DDX60: variants seen among roughly 807,000 people sequenced by gnomAD.
The protein encoded by DDX60 is DExD/H-box helicase 60, also known as probable ATP-dependent RNA helicase DDX60.
Under a neutral mutation model 212.8 loss-of-function variants are expected in DDX60, and 165 were observed. The ratio of observed to expected loss-of-function variants is 0.78; its 90% CI spans 0.68 to 0.88. The LOEUF is 0.88. Among genes scored for constraint, DDX60 ranks in the 40% least tolerant of loss-of-function variants. DDX60 has a pLI of 0.00. For synonymous variants in DDX60, 703 were observed against 685.3 expected (o/e 1.03, Z -0.40); for missense variants, 1,905 against 2,003.9 (o/e 0.95, Z 0.94).
intron 6 of DDX60, among the ~76,000 whole-genome samples, chr4:168,302,082 T>A (rs892412710): frequency 1.3e-5 from 2 of 152,152 alleles, no homozygotes; most frequent in African/African-American, 2.4e-5. Flanking sequence ...GAGACATGAG[T>A]GGAAAAGTCA....
chr4:168,295,912 G>A (rs1736320735), intron 6 of DDX60, among the ~76,000 whole-genome samples: 1 of 152,218 alleles, frequency 6.6e-6, no homozygotes, highest in Non-Finnish European at 1.5e-5. Flanking sequence ...AAGACAAAGA[G>A]ACAAATACCA....
intron 25 of DDX60, among the ~76,000 whole-genome samples, chr4:168,259,738 C>T (rs1052308463): frequency 1.3e-4 from 19 of 150,188 alleles, no homozygotes; most frequent in East Asian, 3.9e-4. Flanking sequence ...TGATGTCCAA[C>T]GAAATTGCAC....
chr4:168,255,834 C>T lies in DDX60; in HGVS notation c.3434G>A (p.Ser1145Asn). 6.3e-7 allele frequency: 1 copy of T among 1,598,358 alleles called. No homozygotes were observed. Among genetic ancestry groups the T allele is most frequent in the Non-Finnish European group, 8.5e-7 (1 of 1,175,794 alleles). ...CTTTTTCTTTAGGAAAGTGCTCACA[C>T]TTTCAGCTGCGTTTTCTACAGCTCC... ...KLGAVENAAE[S>N]VSTFLKKKQE... Residue 1145 changes from serine (S) to asparagine (N), a missense_variant, in exon 26 of 38, where the codon AGT (serine) becomes AAT (asparagine). Ser to Asn is a conservative substitution (Grantham distance 46, BLOSUM62 1). Coordinates refer to ENST00000393743, the MANE Select transcript of DDX60 (RefSeq NM_017631.6).
intron 5 of DDX60, among the ~76,000 whole-genome samples, chr4:168,305,412 T>C (rs963659509): frequency 1.2e-4 from 18 of 152,146 alleles, no homozygotes; most frequent in African/African-American, 4.3e-4. Context: ...TCAAAAATGA[T>C]TTTGATGAAT....
upstream of DDX60, among the ~76,000 whole-genome samples, chr4:168,321,199 T>C (rs1000533772): frequency 1.3e-5 from 2 of 152,204 alleles, no homozygotes; most frequent in African/African-American, 2.4e-5. Flanking sequence ...GACTTTGTTC[T>C]GAAGCTTGAT....
At chr4:168,272,607 T>TTC (rs1254469812) in intron 18 of DDX60, among the ~76,000 whole-genome samples, 9 of 152,194 alleles carry the variant, frequency 5.9e-5, no homozygotes, top group African/African-American at 2.2e-4. Flanking sequence ...AGGACTGCTG[T>TTC]CAGAGTTGTT....
chr4:168,223,670 T>C (rs1440034907), intron 35 of DDX60, among the ~76,000 whole-genome samples: 1 of 152,046 alleles, frequency 6.6e-6, no homozygotes, highest in Non-Finnish European at 1.5e-5. Context: ...AAGATGTATA[T>C]AGTTTTCAAA....
chr4:168,317,093 A>G (rs779879531), intron 1 of DDX60, among the ~76,000 whole-genome samples: 2 of 151,628 alleles, frequency 1.3e-5, no homozygotes, highest in Admixed American at 6.6e-5. Flanking sequence ...GAAGAAAAAA[A>G]AGAAAACCTG....
intron 11 of DDX60, 48 bp downstream of exon 11, chr4:168,285,345 A>T: frequency 9.5e-7 from 1 of 1,047,408 alleles, no homozygotes; most frequent in South Asian, 1.4e-5. Context: ...TGAGTAACTC[A>T]TGTATTCCAC....
chr4:168,239,827 G>T (rs999385320), intron 30 of DDX60, among the ~76,000 whole-genome samples: 5 of 151,974 alleles, frequency 3.3e-5, no homozygotes, highest in South Asian at 2.1e-4. Flanking sequence ...CATAGACTGT[G>T]ACAAGGACAT....
intron 1 of DDX60, among the ~76,000 whole-genome samples, chr4:168,315,814 T>A (rs1484633007): frequency 6.6e-6 from 1 of 152,230 alleles, no homozygotes. Flanking sequence ...ATTTTCTTTA[T>A]CCAGCCTATC....
chr4:168,296,050 A>G (rs1308947465), intron 6 of DDX60, among the ~76,000 whole-genome samples: 1 of 152,160 alleles, frequency 6.6e-6, no homozygotes, highest in Admixed American at 6.5e-5. Context: ...ACTTTCAGAT[A>G]AAAAAGAGGA....
intron 4 of DDX60, among the ~76,000 whole-genome samples, chr4:168,307,184 G>A (rs74465403): frequency 3.5e-3 from 538 of 152,110 alleles, no homozygotes; most frequent in African/African-American, 0.012. Context: ...ACATTAGATC[G>A]GAAGCCTAGC....
chr4:168,286,672 A>G (rs1271762623), intron 10 of DDX60, among the ~76,000 whole-genome samples: 1 of 151,964 alleles, frequency 6.6e-6, no homozygotes, highest in African/African-American at 2.4e-5. Flanking sequence ...TAAATTTTTC[A>G]GCCCCTAGGA....
At chr4:168,294,914 T>C (rs1736274809) in intron 6 of DDX60, among the ~76,000 whole-genome samples, 2 of 152,072 alleles carry the variant, frequency 1.3e-5, no homozygotes, top group Non-Finnish European at 2.9e-5. Flanking sequence ...GGACAGTCAT[T>C]ACTAAAAACA....
At position 168,291,857 on chromosome 4, in the gene DDX60, A is replaced by G; in HGVS notation, c.932T>C (p.Leu311Pro). 1.2e-6 allele frequency: 2 copies of G among 1,613,544 alleles called. No individual in the cohort carries two copies. The highest frequency in any genetic ancestry group is 1.7e-5 in the Admixed American group (1 of 59,914). The change falls in exon 8 of 38, where the codon CTG becomes CCG. Residue 311 changes from leucine (L) to proline (P), a missense_variant. Leu to Pro is a moderately conservative substitution (Grantham distance 98). Transcript: ENST00000393743. ...TAGAAAAACCACAGTGAGACAATGC[A>G]GTTTACACAAATCTTCCATCTCCTG... ...TLQEMEDLCK[L>P]HCLTVVFLLH... is the part of the protein sequence containing the mutation.
upstream of DDX60, among the ~76,000 whole-genome samples, chr4:168,321,347 C>T (rs1275265895): frequency 1.3e-5 from 2 of 152,098 alleles, no homozygotes; most frequent in African/African-American, 4.8e-5. Context: ...TTAACATGTT[C>T]AACTGCTTGA....
chr4:168,236,540 C>T (rs914147092), intron 32 of DDX60, among the ~76,000 whole-genome samples, 167 bp from the exon 33 acceptor site: 1 of 151,766 alleles, frequency 6.6e-6, no homozygotes, highest in Non-Finnish European at 1.5e-5. Context: ...TTATCTGTGC[C>T]TTCTTTTTCA....
intron 22 of DDX60, among the ~76,000 whole-genome samples, chr4:168,266,674 A>G (rs1363502456): frequency 6.6e-6 from 1 of 152,186 alleles, no homozygotes; most frequent in African/African-American, 2.4e-5. Context: ...CAGTGAATGA[A>G]TGGAAAGGAG....
Sources: gnomAD v4.1 joint callset for allele counts (sites outside exome capture counted in the v4.1 genomes callset) on GRCh38, gnomAD v4.1.1 for gene constraint, MANE v1.5 for transcripts, NCBI Gene and HGNC (gene_info 2026-07-23, HGNC 2026-07-21) for gene names.